Variants in ASNS observed in about 807,000 individuals in gnomAD.
ASNS encodes asparagine synthetase (glutamine-hydrolyzing).
Under a neutral mutation model 62.6 loss-of-function variants are expected in ASNS, and 37 were observed. The ratio of observed to expected loss-of-function variants is 0.59; its 90% CI spans 0.45 to 0.78. The LOEUF is 0.78. Ranked by LOEUF, ASNS falls within the 30% of genes least tolerant of loss-of-function variation. ASNS has a pLI of 0.00. For missense variants in ASNS, 520 were observed against 682.4 expected (o/e 0.76, Z 2.65); for synonymous variants, 207 against 237.9 (o/e 0.87, Z 1.19).
At chr7:97,923,525 CT>C in the ASNS span, among the ~76,000 whole-genome samples, 1 of 152,138 alleles carries the variant, frequency 6.6e-6, no homozygotes, top group Admixed American at 6.5e-5. Flanking sequence ...GTTCCCCAGG[CT>C]TAGAGCAAAA....
chr7:97,906,095 C>A, the ASNS span, among the ~76,000 whole-genome samples: 6 of 152,250 alleles, frequency 3.9e-5, 1 homozygote, highest in South Asian at 4.2e-4. Flanking sequence ...CTCCTTCTAC[C>A]AAACTTTGTC....
chr7:97,886,240 C>A, the ASNS span, among the ~76,000 whole-genome samples: 2 of 152,262 alleles, frequency 1.3e-5, no homozygotes, highest in Non-Finnish European at 2.9e-5. Context: ...CTCCACCTCC[C>A]GGGTTCAAGC....
At chr7:97,881,185 G>C in the ASNS span, among the ~76,000 whole-genome samples, 1 of 152,130 alleles carries the variant, frequency 6.6e-6, no homozygotes, top group Non-Finnish European at 1.5e-5. Flanking sequence ...CAGGTGATCT[G>C]CCCACCTTGG....
the ASNS span, among the ~76,000 whole-genome samples, chr7:97,880,478 G>A: frequency 1.3e-5 from 2 of 152,068 alleles, no homozygotes; most frequent in Non-Finnish European, 2.9e-5. Context: ...CACACAAAGG[G>A]GTCCAAATGT....
the ASNS span, among the ~76,000 whole-genome samples, chr7:97,905,920 C>G: frequency 0.26 from 39,761 of 152,194 alleles, 5,364 homozygotes; most frequent in East Asian, 0.41. Flanking sequence ...ACCCTCCCCG[C>G]TCCTTTCCTG....
chr7:97,864,239 A>G lies in ASNS; in HGVS notation c.487+20T>C, dbSNP rs1298021373. 6 of 1,579,346 alleles carry G rather than the reference A, an allele frequency of 3.8e-6. No individual in the cohort carries two copies. The highest frequency in any genetic ancestry group is 1.4e-5 in the African/African-American group (1 of 73,420). On this transcript the variant is annotated intron_variant, in intron 4 of 12. Transcript: ENST00000394308. The stretch of plus-strand genomic sequence containing the variant: ...ACAACCAAGACAATAATGAAAATCT[A>G]TAGAAAAATTTATTATTACCTTTAG...
At chr7:97,855,610 T>G (rs1791400211) in intron 8 of ASNS, 151 bp from the exon 9 acceptor site, 1 of 506,680 alleles carries the variant, frequency 2.0e-6, no homozygotes, top group Admixed American at 3.2e-5. Flanking sequence ...GACCTTGTAT[T>G]TATAAGCCAT....
intron 3 of ASNS, among the ~76,000 whole-genome samples, chr7:97,867,021 A>AGCCTGCTC (rs1584474534): frequency 1.3e-5 from 2 of 150,782 alleles, no homozygotes; most frequent in Non-Finnish European, 1.5e-5. Context: ...AACTTATTTA[A>AGCCTGCTC]AAAGGAGAAG....
chr7:97,885,491 T>C, the ASNS span, among the ~76,000 whole-genome samples: 2 of 152,246 alleles, frequency 1.3e-5, 1 homozygote, highest in East Asian at 3.8e-4. Flanking sequence ...TTCCTCACCC[T>C]GTGAGACTGA....
intron 5 of ASNS, 30 bp from the exon 6 acceptor site, chr7:97,858,985 C>G: frequency 6.4e-7 from 1 of 1,573,430 alleles, no homozygotes; most frequent in East Asian, 2.2e-5. Context: ...TCAAACAGCT[C>G]CAGAAAATCT....
the ASNS span, chr7:97,906,283 T>G: frequency 2.4e-6 from 1 of 422,414 alleles, no homozygotes; most frequent in Non-Finnish European, 4.6e-6. Flanking sequence ...GCCCTGCCAT[T>G]GTTAGCAAAA....
chr7:97,918,207 A>G, the ASNS span, among the ~76,000 whole-genome samples: 1 of 152,146 alleles, frequency 6.6e-6, no homozygotes, highest in Admixed American at 6.5e-5. Context: ...CATCATCTGC[A>G]GAAGATGATG....
the ASNS span, among the ~76,000 whole-genome samples, chr7:97,886,512 C>T: frequency 6.6e-6 from 1 of 152,030 alleles, no homozygotes; most frequent in African/African-American, 2.4e-5. Flanking sequence ...ATCGGGTTTT[C>T]TTAACAGCAT....
chr7:97,915,227 T>C, the ASNS span, among the ~76,000 whole-genome samples: 1 of 152,158 alleles, frequency 6.6e-6, no homozygotes, highest in Non-Finnish European at 1.5e-5. Flanking sequence ...GCTACACCTG[T>C]CCTAAAATTG....
chr7:97,864,123 T>A, intron 4 of ASNS, 136 bp downstream of exon 4: 1 of 739,136 alleles, frequency 1.4e-6, no homozygotes, highest in Non-Finnish European at 2.2e-6. Context: ...CTCTGTTTTT[T>A]TAAAAAAAGG....
At chr7:97,889,822 G>C in the ASNS span, among the ~76,000 whole-genome samples, 1 of 145,212 alleles carries the variant, frequency 6.9e-6, no homozygotes, top group Non-Finnish European at 1.5e-5. Context: ...TAATTCTCCA[G>C]CAACAGATCC....
At chr7:97,859,779 T>C (rs200357697) in intron 4 of ASNS, among the ~76,000 whole-genome samples, 1 of 152,200 alleles carries the variant, frequency 6.6e-6, no homozygotes, top group African/African-American at 2.4e-5. Flanking sequence ...AATGTTATGA[T>C]AGGCTGGGAG....
the ASNS span, among the ~76,000 whole-genome samples, chr7:97,894,193 G>A: frequency 4.6e-5 from 7 of 151,834 alleles, no homozygotes; most frequent in African/African-American, 1.7e-4. Context: ...AACACATCAT[G>A]CAAAACCTAT....
intron 9 of ASNS, 79 bp from the exon 10 acceptor site, chr7:97,854,759 A>C: frequency 1.3e-6 from 2 of 1,595,096 alleles, no homozygotes; most frequent in Non-Finnish European, 1.7e-6. Flanking sequence ...CCAATCCTAA[A>C]GGTGGATAAG....
Sources: allele counts gnomAD v4.1 joint callset (sites outside exome capture counted in the v4.1 genomes callset), GRCh38; gene constraint gnomAD v4.1.1; transcripts MANE v1.5; gene names NCBI Gene and HGNC (gene_info 2026-07-23, HGNC 2026-07-21).